Variants in SBNO2 observed in about 807,000 individuals in gnomAD.
SBNO2 encodes protein strawberry notch homolog 2.
A neutral mutation model predicts 146.3 loss-of-function variants in SBNO2; 89 were observed. The ratio of observed to expected loss-of-function variants is 0.61; its 90% CI spans 0.51 to 0.73. The LOEUF is 0.73. Ranked by LOEUF, SBNO2 falls within the 30% of genes least tolerant of loss-of-function variation. The pLI, the probability that SBNO2 is intolerant of heterozygous loss-of-function variation, is 0.00. For synonymous variants in SBNO2, 1,147 were observed against 892.6 expected (o/e 1.29, Z -5.08); for missense variants, 2,092 against 2,003.7 (o/e 1.04, Z -0.84).
chr19:1,166,898 C>T (rs2080431379), intron 1 of SBNO2, among the ~76,000 whole-genome samples: 6 of 152,318 alleles, frequency 3.9e-5, no homozygotes, highest in Admixed American at 3.9e-4. Context: ...GGTCTCCCCA[C>T]CTGGCTCCTT....
In SBNO2 at chr19:1,110,663, C is replaced by A; in HGVS notation, c.3028+82G>T. 6.6e-7 allele frequency: 1 copy of A among 1,506,038 alleles called. No individual in the cohort carries two copies. The highest frequency in any genetic ancestry group is 9.0e-7 in the Non-Finnish European group (1 of 1,116,556). The allele number at this position is 1,506,038 out of a possible 1,614,324, so 93.3% of individuals were successfully genotyped here. A position where few individuals can be genotyped will look rare whatever the true frequency, so the allele number is the denominator to read the frequency against. On this transcript the variant is annotated intron_variant, in intron 26 of 31. Coordinates refer to ENST00000361757, the MANE Select transcript of SBNO2 (RefSeq NM_014963.3). The surrounding 1 kb of genome is among the most constrained non-coding windows in gnomAD (Gnocchi z 4.9). Reference sequence around the variant, plus strand: ...GGGATGCCCGGTGTTCCCACGAGCCCCGAGCCCACCCAGGATGCATGGCGT... The same window carrying A: ...GGGATGCCCGGTGTTCCCACGAGCCACGAGCCCACCCAGGATGCATGGCGT...
intron 12 of SBNO2, 87 bp downstream of exon 12, chr19:1,119,819 G>T: frequency 1.8e-6 from 2 of 1,089,580 alleles, no homozygotes; most frequent in Non-Finnish European, 2.7e-6. Context: ...CGGAGGCTGA[G>T]TACGCGTGTG....
In SBNO2 at chr19:1,109,489, A is replaced by T; in HGVS notation, c.3216+17T>A. ...CCGCGGGCCCTCCTCTGGGGGGGTA[A>T]CCCCGCCCGACCCCACCTTGTAGGA... On this transcript the variant is annotated intron_variant, in intron 28 of 31. Transcript: ENST00000361757. The surrounding 1 kb of genome is among the most constrained non-coding windows in gnomAD (Gnocchi z 4.2). 12 of 1,582,552 alleles carry T rather than the reference A, an allele frequency of 7.6e-6. No individual in the cohort carries two copies. Among genetic ancestry groups the T allele is most frequent in the Non-Finnish European group, 1.0e-5 (12 of 1,166,090 alleles).
chr19:1,110,666 A>C lies in SBNO2; in HGVS notation c.3028+79T>G, dbSNP rs1268449834. On this transcript the variant is annotated intron_variant, in intron 26 of 31. Coordinates refer to ENST00000361757, the MANE Select transcript of SBNO2 (RefSeq NM_014963.3). This position sits in a 1 kb window ranked among gnomAD's most constrained non-coding sequence, Gnocchi z 4.9. ...ATGCCCGGTGTTCCCACGAGCCCCG[A>C]GCCCACCCAGGATGCATGGCGTTCC... 1.5e-5 allele frequency: 20 copies of C among 1,346,978 alleles called. No homozygotes were observed. The highest frequency in any genetic ancestry group is 4.3e-5 in the South Asian group (3 of 69,722). 83.4% of individuals were successfully genotyped at this position (1,346,978 alleles called of 1,614,324 possible).
intron 4 of SBNO2, chr19:1,132,323 C>T: frequency 1.6e-6 from 2 of 1,289,166 alleles, no homozygotes; most frequent in Non-Finnish European, 2.0e-6. Flanking sequence ...CCGGGGCTGA[C>T]TTTCAGGAAA....
At chr19:1,164,325 C>T (rs1445396812) in intron 1 of SBNO2, among the ~76,000 whole-genome samples, 2 of 149,238 alleles carry the variant, frequency 1.3e-5, no homozygotes, top group Non-Finnish European at 1.5e-5. Flanking sequence ...AAGCCTCCCC[C>T]GTGCACAGGA....
At chr19:1,131,430 T>A (rs1445745310) in intron 4 of SBNO2, among the ~76,000 whole-genome samples, 1 of 63,574 alleles carries the variant, frequency 1.6e-5, no homozygotes, top group Non-Finnish European at 3.1e-5. Flanking sequence ...TGGGAGGACC[T>A]GGCTGGGAGG....
At chr19:1,168,932 G>A (rs557431682) in intron 1 of SBNO2, 1 of 152,398 alleles carries the variant, frequency 6.6e-6, no homozygotes, top group South Asian at 2.1e-4. Context: ...GAGACTCCCA[G>A]GAAACGCGAG....
intron 1 of SBNO2, among the ~76,000 whole-genome samples, chr19:1,164,939 G>GAAC (rs2080397452): frequency 1.3e-5 from 2 of 149,962 alleles, no homozygotes; most frequent in Non-Finnish European, 3.0e-5. Context: ...GGCACAGGAG[G>GAAC]AGGAGGAGGA....
At chr19:1,142,155 A>AACCTCACTCAATGACCTCCC (rs1568608854) in intron 4 of SBNO2, among the ~76,000 whole-genome samples, 1 of 61,630 alleles carries the variant, frequency 1.6e-5, no homozygotes, top group African/African-American at 7.2e-5. Context: ...CCCACGATCA[A>AACCTCACTCAATGACCTCCC]TCCTCACTCA....
chr19:1,130,108 TGAG>T (rs1419416236), intron 4 of SBNO2, among the ~76,000 whole-genome samples: 1 of 152,058 alleles, frequency 6.6e-6, no homozygotes, highest in Non-Finnish European at 1.5e-5. Flanking sequence ...CAGAGGGGCC[TGAG>T]GAGACGCCTA....
Position 1,112,528 on chromosome 19 carries a change from T to A in SBNO2, c.2389A>T (p.Ile797Phe). 1 of 1,601,130 alleles carries A rather than the reference T, an allele frequency of 6.2e-7. No individual in the cohort carries two copies. Among genetic ancestry groups the A allele is most frequent in the Non-Finnish European group, 8.5e-7 (1 of 1,177,266 alleles). ...CCCGAGCTGGAGGCCTCCGAGATGATGGCCACGAGCTAGGGGGAAAGAAGG... is the reference window on the plus strand; with the variant it reads ...CCCGAGCTGGAGGCCTCCGAGATGAAGGCCACGAGCTAGGGGGAAAGAAGG... ...RFMSGEKLVA[I>F]ISEASSSGVS... Residue 797 changes from isoleucine (I) to phenylalanine (F), a missense_variant, in exon 21 of 32, where the codon ATC becomes TTC. Transcript: ENST00000361757. This position sits in a 1 kb window ranked among gnomAD's most constrained non-coding sequence, Gnocchi z 5.9.
At chr19:1,121,103 G>T (rs2079895762) in intron 11 of SBNO2, among the ~76,000 whole-genome samples, 1 of 151,782 alleles carries the variant, frequency 6.6e-6, no homozygotes, top group African/African-American at 2.4e-5. Context: ...TGTTGTCCAG[G>T]TGGTCTCGAA....
chr19:1,115,931 G>C (rs1422900304), intron 17 of SBNO2, 90 bp downstream of exon 17: 2 of 1,032,740 alleles, frequency 1.9e-6, no homozygotes, highest in African/African-American at 1.6e-5. Flanking sequence ...GTGGACGGGG[G>C]AGTGGGGGAA....
intron 1 of SBNO2, among the ~76,000 whole-genome samples, chr19:1,160,166 G>A (rs767616718): frequency 2.0e-4 from 30 of 152,312 alleles, no homozygotes; most frequent in Non-Finnish European, 3.5e-4. Context: ...AAGCTGCCCC[G>A]GCAGCGAGGC....
At chr19:1,115,758 G>A (rs766422029) in intron 17 of SBNO2, 13 of 557,750 alleles carry the variant, frequency 2.3e-5, no homozygotes, top group South Asian at 4.3e-5. Flanking sequence ...ACCCGCGTCC[G>A]TGTCCCGCCC....
At position 1,157,431 on chromosome 19, in the gene SBNO2, G is replaced by A. The variant is rs1016147304; in HGVS notation, c.-126-3029C>T. Among the ~76,000 whole-genome samples the A allele has an allele frequency of 5.3e-5, 8 of 151,264 alleles. No homozygotes were observed. The highest frequency in any genetic ancestry group is 1.9e-4 in the African/African-American group (8 of 41,178). On this transcript the variant is annotated intron_variant, in intron 1 of 31. Coordinates refer to ENST00000361757, the MANE Select transcript of SBNO2 (RefSeq NM_014963.3). The surrounding 1 kb of genome is among the most constrained non-coding windows in gnomAD (Gnocchi z 6.8). ...GCGGCCCCGGAGACCCTCTCCCCACGCGGCCCCGGTGACACGGCCCACCCC... is the reference window on the plus strand; with the variant it reads ...GCGGCCCCGGAGACCCTCTCCCCACACGGCCCCGGTGACACGGCCCACCCC...
intron 1 of SBNO2, among the ~76,000 whole-genome samples, chr19:1,171,593 G>C (rs576911881): frequency 3.3e-5 from 5 of 152,282 alleles, no homozygotes; most frequent in African/African-American, 1.2e-4. Context: ...TGGTTCTGTC[G>C]ACACAGTCGC....
At chr19:1,119,255 C>T (rs1191501617) in intron 13 of SBNO2, 91 bp from the exon 14 acceptor site, 13 of 1,455,002 alleles carry the variant, frequency 8.9e-6, no homozygotes, top group Non-Finnish European at 1.0e-5. Context: ...GCAGAGAGGG[C>T]GGGGTCGGCA....
Sources: allele counts gnomAD v4.1 joint callset (sites outside exome capture counted in the v4.1 genomes callset), GRCh38; gene constraint gnomAD v4.1.1; non-coding constraint Gnocchi (gnomAD v3.1); transcripts MANE v1.5; gene names NCBI Gene and HGNC (gene_info 2026-07-23, HGNC 2026-07-21).